Variants in KCNIP4 observed in about 807,000 individuals in gnomAD.
KCNIP4 encodes the protein potassium voltage-gated channel interacting protein 4.
In KCNIP4, 12 loss-of-function variants were observed where a neutral mutation model predicts 34.0. The observed-to-expected ratio is 0.35, with a 90% confidence interval of 0.23 to 0.57. The LOEUF is 0.57. KCNIP4 is among the 20% of genes least tolerant of loss of function. The pLI, the probability that KCNIP4 is intolerant of heterozygous loss-of-function variation, is 0.83. For synonymous variants in KCNIP4, 124 were observed against 102.2 expected (o/e 1.21, Z -1.29); for missense variants, 238 against 311.7 (o/e 0.76, Z 1.78).
At chr4:21,250,698 T>C (rs549169372) in intron 1 of KCNIP4, among the ~76,000 whole-genome samples, 1 of 152,180 alleles carries the variant, frequency 6.6e-6, no homozygotes, top group Admixed American at 6.6e-5. Flanking sequence ...TTAACAGAGC[T>C]GTGATTTAGA....
At chr4:21,499,330 C>CAAAAAAAAAAA (rs527385773) in intron 1 of KCNIP4, among the ~76,000 whole-genome samples, 68 of 98,216 alleles carry the variant, frequency 6.9e-4, no homozygotes, top group African/African-American at 2.5e-3. Flanking sequence ...GACTCCATCT[C>CAAAAAAAAAAA]AAAAAAAAAA....
chr4:21,273,745 T>C (rs954002887), intron 1 of KCNIP4, among the ~76,000 whole-genome samples: 4 of 152,198 alleles, frequency 2.6e-5, no homozygotes, highest in African/African-American at 9.6e-5. Flanking sequence ...TCTCTTACTA[T>C]ACCCAAATCC....
chr4:21,173,760 G>C (rs547140324), intron 1 of KCNIP4, among the ~76,000 whole-genome samples: 1 of 152,266 alleles, frequency 6.6e-6, no homozygotes, highest in Admixed American at 6.5e-5. Context: ...ATCTCTGGCA[G>C]AACTGTCGGG....
rs1042834542 is a variant in KCNIP4 at position 21,200,356 on chromosome 4, A to G, written c.62-317647T>C. ...TATATATACATACATATATGTGTGTATATATATATACATACATATATGTGT... is the reference window on the plus strand; with the variant it reads ...TATATATACATACATATATGTGTGTGTATATATATACATACATATATGTGT... On this transcript the variant is annotated intron_variant, in intron 1 of 8. Transcript: ENST00000382152. 1.2e-4 allele frequency among the ~76,000 whole-genome samples: 13 copies of G among 107,304 alleles called. 1 individual carries two copies. The highest frequency in any genetic ancestry group is 2.5e-4 in the East Asian group (1 of 4,058). The allele number at this position is 107,304 out of a possible 152,430, so 70.4% of individuals were successfully genotyped here.
At chr4:21,491,093 T>C (rs901921012) in intron 1 of KCNIP4, among the ~76,000 whole-genome samples, 3 of 152,058 alleles carry the variant, frequency 2.0e-5, no homozygotes, top group Non-Finnish European at 4.4e-5. Context: ...TGCATACAGG[T>C]AGAATATGCC....
intron 1 of KCNIP4, among the ~76,000 whole-genome samples, chr4:21,818,547 T>G (rs1722129642): frequency 6.6e-6 from 1 of 152,178 alleles, no homozygotes; most frequent in Admixed American, 6.5e-5. Context: ...AAAATGAAAT[T>G]AAATTAACAA....
intron 3 of KCNIP4, among the ~76,000 whole-genome samples, chr4:20,779,965 A>C (rs1756726227): frequency 6.6e-6 from 1 of 152,168 alleles, no homozygotes; most frequent in South Asian, 2.1e-4. Context: ...TAAGAGAGTA[A>C]ATTTTTGTTG....
At chr4:21,657,872 G>A (rs1483490121) in intron 1 of KCNIP4, among the ~76,000 whole-genome samples, 8 of 148,506 alleles carry the variant, frequency 5.4e-5, no homozygotes, top group African/African-American at 2.0e-4. Context: ...ACGGAGTCTC[G>A]CTTTGTCGCC....
chr4:21,712,821 A>G (rs1466014879), intron 1 of KCNIP4, among the ~76,000 whole-genome samples: 1 of 152,198 alleles, frequency 6.6e-6, no homozygotes, highest in Non-Finnish European at 1.5e-5. Context: ...TAGTCAACTT[A>G]GTCTTCATTG....
intron 1 of KCNIP4, among the ~76,000 whole-genome samples, chr4:21,872,151 C>G (rs1725857714): frequency 6.6e-6 from 1 of 152,018 alleles, no homozygotes; most frequent in African/African-American, 2.4e-5. Context: ...AAGGGGAGAG[C>G]CAGAAGGACC....
chr4:20,828,550 T>C (rs1244306608), intron 3 of KCNIP4, among the ~76,000 whole-genome samples: 3 of 152,194 alleles, frequency 2.0e-5, no homozygotes, highest in Admixed American at 2.0e-4. Context: ...TCAGATACAA[T>C]AGTGACCATC....
intron 1 of KCNIP4, among the ~76,000 whole-genome samples, chr4:21,496,125 A>T (rs1732829529): frequency 3.3e-5 from 5 of 152,248 alleles, no homozygotes; most frequent in Admixed American, 2.6e-4. Context: ...GATGTCTTTT[A>T]TATCAACACA....
rs563338113 is a variant in KCNIP4, at chr4:20,996,360, G to C, written c.62-113651C>G. Among the ~76,000 whole-genome samples the C allele has an allele frequency of 3.3e-5, 5 of 152,058 alleles. No homozygotes were observed. The South Asian group carries it at 1.0e-3, about 32-fold the overall frequency. ...CCCTCAATAGCTGTCCATTATATTC[G>C]GGATAACATTCAAACTTCTCGCTGT... On this transcript the variant is annotated intron_variant, in intron 1 of 8. Coordinates refer to ENST00000382152, the MANE Select transcript of KCNIP4 (RefSeq NM_025221.6).
chr4:21,108,981 A>G (rs1355222432), intron 1 of KCNIP4, among the ~76,000 whole-genome samples: 3 of 151,654 alleles, frequency 2.0e-5, no homozygotes, highest in African/African-American at 7.3e-5. Flanking sequence ...AGGAGTACCC[A>G]GCCGTGTGAG....
chr4:21,479,322 G>T (rs1731237957), intron 1 of KCNIP4, among the ~76,000 whole-genome samples: 1 of 152,058 alleles, frequency 6.6e-6, no homozygotes, highest in Admixed American at 6.6e-5. Context: ...AATGAGGAAA[G>T]CTAAAAACAA....
chr4:20,931,880 T>C (rs905824835), intron 1 of KCNIP4, among the ~76,000 whole-genome samples: 1 of 147,822 alleles, frequency 6.8e-6, no homozygotes, highest in Non-Finnish European at 1.5e-5. Flanking sequence ...ATGATAATAG[T>C]CTATAAGAGT....
intron 1 of KCNIP4, among the ~76,000 whole-genome samples, chr4:21,678,166 C>T (rs1254891707): frequency 6.6e-6 from 1 of 152,064 alleles, no homozygotes; most frequent in Non-Finnish European, 1.5e-5. Context: ...TACAACTACT[C>T]AACACTACCA....
At chr4:21,731,114 C>G (rs377580658) in intron 1 of KCNIP4, among the ~76,000 whole-genome samples, 1 of 135,132 alleles carries the variant, frequency 7.4e-6, no homozygotes, top group Non-Finnish European at 1.6e-5. Flanking sequence ...GAACCTGTCT[C>G]AAAAAAAAAA....
chr4:20,745,999 C>A (rs545671321), intron 5 of KCNIP4, among the ~76,000 whole-genome samples: 8 of 152,234 alleles, frequency 5.3e-5, no homozygotes, highest in Non-Finnish European at 8.8e-5. Context: ...ACTAGAAATA[C>A]CATTTGACAC....
Sources: gnomAD v4.1 joint callset for allele counts (sites outside exome capture counted in the v4.1 genomes callset) on GRCh38, gnomAD v4.1.1 for gene constraint, MANE v1.5 for transcripts, NCBI Gene and HGNC (gene_info 2026-07-23, HGNC 2026-07-21) for gene names.